MKLN1: variants seen among roughly 807,000 people sequenced by gnomAD.
MKLN1 encodes the protein muskelin.
In MKLN1, 18 loss-of-function variants were observed where a neutral mutation model predicts 99.0. That is an observed-to-expected ratio of 0.18 (90% CI 0.13 to 0.27). The LOEUF is 0.27. Among genes scored for constraint, MKLN1 ranks in the 10% least tolerant of loss-of-function variants. The pLI, the probability that MKLN1 is intolerant of heterozygous loss-of-function variation, is 1.00. For missense variants in MKLN1, 621 were observed against 875.9 expected (o/e 0.71, Z 3.67); for synonymous variants, 288 against 293.2 (o/e 0.98, Z 0.18).
chr7:131,115,849 G>T (rs55968167), intron 1 of MKLN1, among the ~76,000 whole-genome samples: 20,417 of 151,954 alleles, frequency 0.13, 1,745 homozygotes, highest in Middle Eastern at 0.2. Flanking sequence ...CCCTGACCAC[G>T]CCACCTGAAG....
intron 1 of MKLN1, among the ~76,000 whole-genome samples, chr7:131,138,431 G>T (rs572661338): frequency 3.9e-5 from 6 of 152,172 alleles, no homozygotes; most frequent in South Asian, 2.1e-4. Flanking sequence ...ACTGAACCAG[G>T]CATTTCATTT....
intron 1 of MKLN1, among the ~76,000 whole-genome samples, chr7:131,132,892 C>T (rs1272858235): frequency 1.9e-4 from 23 of 122,980 alleles, no homozygotes; most frequent in African/African-American, 7.1e-4. Context: ...AGCCACTGCA[C>T]TCCAGCCTGG....
intron 1 of MKLN1, among the ~76,000 whole-genome samples, chr7:131,130,176 G>C (rs549446745): frequency 8.5e-5 from 13 of 152,272 alleles, no homozygotes; most frequent in Non-Finnish European, 1.2e-4. Context: ...CATACAAACT[G>C]TATCTAGGGA....
At chr7:131,354,590 C>T (rs1337287714) in intron 1 of MKLN1, among the ~76,000 whole-genome samples, 1 of 151,666 alleles carries the variant, frequency 6.6e-6, no homozygotes, top group African/African-American at 2.4e-5. Context: ...GGTTTCATTT[C>T]TTCCCTTCTG....
chr7:131,342,992 A>G (rs1028363977), intron 1 of MKLN1, among the ~76,000 whole-genome samples: 2 of 152,224 alleles, frequency 1.3e-5, no homozygotes, highest in Admixed American at 6.5e-5. Context: ...TACACTGTCC[A>G]TACATGGTTC....
At chr7:131,170,004 C>T (rs566443675) in intron 2 of MKLN1, among the ~76,000 whole-genome samples, 4 of 152,170 alleles carry the variant, frequency 2.6e-5, no homozygotes, top group South Asian at 4.1e-4. Flanking sequence ...GTGGGAGGAT[C>T]GCTTGAGCCC....
intron 1 of MKLN1, among the ~76,000 whole-genome samples, chr7:131,340,977 T>C (rs1237624009): frequency 6.6e-6 from 1 of 152,176 alleles, no homozygotes; most frequent in East Asian, 1.9e-4. Flanking sequence ...TAAAATATTT[T>C]TATTATGAAG....
chr7:131,478,531 TA>T (rs1235095457), intron 16 of MKLN1, 91 bp from the exon 17 acceptor site: 9 of 1,309,082 alleles, frequency 6.9e-6, no homozygotes, highest in Middle Eastern at 2.6e-4. Context: ...TAGTTGCTGA[TA>T]AATGGTCAAA....
chr7:131,305,252 A>G (rs1218006514), intron 3 of MKLN1, among the ~76,000 whole-genome samples: 1 of 152,222 alleles, frequency 6.6e-6, no homozygotes, highest in Admixed American at 6.5e-5. Context: ...TTAAAAACAC[A>G]TGCTTTTTGC....
intron 3 of MKLN1, among the ~76,000 whole-genome samples, chr7:131,207,611 T>G (rs1011245984): frequency 1.1e-4 from 16 of 152,126 alleles, no homozygotes; most frequent in African/African-American, 3.9e-4. Flanking sequence ...ACTTCCCAAG[T>G]TTTTGCTGCA....
chr7:131,319,309 G>A (rs766450294), intron 3 of MKLN1, among the ~76,000 whole-genome samples: 26 of 152,088 alleles, frequency 1.7e-4, no homozygotes, highest in South Asian at 8.3e-4. Context: ...ATCAACAAAC[G>A]TAATCTATCA....
chr7:131,262,316 A>G (rs897695870), intron 3 of MKLN1, among the ~76,000 whole-genome samples: 2 of 151,898 alleles, frequency 1.3e-5, no homozygotes, highest in African/African-American at 4.8e-5. Context: ...GTGCGACTGT[A>G]GTACCAGCTA....
At chr7:131,454,296 T>G (rs1796272287) in intron 12 of MKLN1, among the ~76,000 whole-genome samples, 3 of 152,180 alleles carry the variant, frequency 2.0e-5, no homozygotes, top group Admixed American at 1.3e-4. Context: ...CACCAGTAAA[T>G]AAATTGGTTG....
At chr7:131,134,031 T>C (rs1795609600) in intron 1 of MKLN1, among the ~76,000 whole-genome samples, 1 of 151,604 alleles carries the variant, frequency 6.6e-6, no homozygotes, top group African/African-American at 2.4e-5. Context: ...GGTTTCACCA[T>C]GTTGGCCAGT....
At chr7:131,149,078 T>C (rs1310305573) in intron 2 of MKLN1, among the ~76,000 whole-genome samples, 1 of 152,198 alleles carries the variant, frequency 6.6e-6, no homozygotes, top group Non-Finnish European at 1.5e-5. Flanking sequence ...TTGTTTGGTA[T>C]TCAACGCAGG....
chr7:131,227,495 C>CTCTTTCTT (rs369374338), intron 3 of MKLN1, among the ~76,000 whole-genome samples: 17,911 of 115,576 alleles, frequency 0.15, 1,694 homozygotes, highest in African/African-American at 0.22. Flanking sequence ...CTCTTTCTTT[C>CTCTTTCTT]TCTTTCTTTC....
chr7:131,204,659 G>A (rs1472254915), intron 3 of MKLN1, among the ~76,000 whole-genome samples: 5 of 150,020 alleles, frequency 3.3e-5, no homozygotes, highest in South Asian at 2.1e-4. Context: ...GTGGAACCCC[G>A]TCTCTATTAA....
chr7:131,443,851 A>C, intron 11 of MKLN1, 149 bp downstream of exon 11: 1 of 655,278 alleles, frequency 1.5e-6, no homozygotes. Context: ...CTGTTTGCTA[A>C]TTATGAGACT....
intron 3 of MKLN1, among the ~76,000 whole-genome samples, chr7:131,223,663 C>G (rs1797093868): frequency 6.6e-6 from 1 of 152,216 alleles, no homozygotes; most frequent in Non-Finnish European, 1.5e-5. Context: ...ACAGGGCTCT[C>G]ATGCTGAGCT....
Sources: gnomAD v4.1 joint callset for allele counts (sites outside exome capture counted in the v4.1 genomes callset) on GRCh38, gnomAD v4.1.1 for gene constraint, MANE v1.5 for transcripts, NCBI Gene and HGNC (gene_info 2026-07-23, HGNC 2026-07-21) for gene names.